The following TLL1 variants were observed in gnomAD, a reference collection of about 807,000 sequenced individuals.
TLL1 encodes tolloid-like protein 1.
A neutral mutation model predicts 128.2 loss-of-function variants in TLL1; 49 were observed. That is an observed-to-expected ratio of 0.38 (90% CI 0.30 to 0.48). The LOEUF is 0.48. Ranked by LOEUF, TLL1 falls within the 20% of genes least tolerant of loss-of-function variation. The pLI is 0.96. For missense variants in TLL1, 1,123 were observed against 1,242.0 expected, an observed-to-expected ratio of 0.90 and a Z score of 1.44; for synonymous variants, 454 against 418.8, an observed-to-expected ratio of 1.08 and a Z score of -1.03.
intron 1 of TLL1, among the ~76,000 whole-genome samples, chr4:165,976,828 T>G (rs936854405): frequency 2.0e-5 from 3 of 152,228 alleles, no homozygotes; most frequent in African/African-American, 7.2e-5. Context: ...ACCCATGGCC[T>G]CTGGGCTGTG....
intron 16 of TLL1, among the ~76,000 whole-genome samples, chr4:166,073,313 T>C (rs1183258121): frequency 1.3e-5 from 2 of 152,154 alleles, no homozygotes; most frequent in African/African-American, 2.4e-5. Flanking sequence ...GTAGAAGTCA[T>C]TTATAATTCA....
At chr4:165,926,847 A>G (rs904429117) in intron 1 of TLL1, among the ~76,000 whole-genome samples, 9 of 152,174 alleles carry the variant, frequency 5.9e-5, no homozygotes, top group Admixed American at 5.9e-4. Context: ...CAGTTCAACA[A>G]CGGTGGTTTT....
At chr4:166,064,501 A>G (rs1740483959) in intron 15 of TLL1, among the ~76,000 whole-genome samples, 1 of 152,110 alleles carries the variant, frequency 6.6e-6, no homozygotes, top group East Asian at 1.9e-4. Flanking sequence ...CTGTGTTAAC[A>G]TATTCTTGTG....
In TLL1 at chr4:166,091,428, A is replaced by C; in HGVS notation, c.2656+87A>C. The C allele has an allele frequency of 3.5e-6, 4 of 1,131,614 alleles. No individual in the cohort carries two copies. The South Asian group carries it at 5.5e-5, about 16-fold the overall frequency. 70.1% of individuals were successfully genotyped at this position (1,131,614 alleles called of 1,614,324 possible). The stretch of plus-strand genomic sequence containing the variant: ...ATTTGGTTCAATAATAGGATTGTAA[A>C]TAAATCTCCAAGCATAGCAGATAAA... On this transcript the variant is annotated intron_variant, in intron 19 of 20. Coordinates refer to ENST00000061240, the MANE Select transcript of TLL1 (RefSeq NM_012464.5).
At chr4:166,093,688 T>G (rs1030375895) in intron 19 of TLL1, among the ~76,000 whole-genome samples, 14 of 152,230 alleles carry the variant, frequency 9.2e-5, no homozygotes, top group East Asian at 7.8e-4. Flanking sequence ...CATCCCACGA[T>G]GCCATATTTC....
intron 6 of TLL1, among the ~76,000 whole-genome samples, chr4:166,004,632 A>C (rs1737326984): frequency 6.6e-6 from 1 of 152,130 alleles, no homozygotes; most frequent in African/African-American, 2.4e-5. Flanking sequence ...AGTAAAGCAG[A>C]AGTATTTCAG....
chr4:165,888,208 AT>A (rs1435904153), intron 1 of TLL1, among the ~76,000 whole-genome samples: 1 of 152,092 alleles, frequency 6.6e-6, no homozygotes, highest in East Asian at 1.9e-4. Flanking sequence ...TCTGTTCTTA[AT>A]TTTAAAGGGA....
At chr4:165,984,720 A>G (rs1736323796) in intron 1 of TLL1, among the ~76,000 whole-genome samples, 1 of 151,982 alleles carries the variant, frequency 6.6e-6, no homozygotes, top group South Asian at 2.1e-4. Flanking sequence ...TAGCTCAATC[A>G]TGTATTTCCT....
At chr4:165,931,564 A>C (rs1436383500) in intron 1 of TLL1, among the ~76,000 whole-genome samples, 1 of 151,722 alleles carries the variant, frequency 6.6e-6, no homozygotes, top group Non-Finnish European at 1.5e-5. Flanking sequence ...AAAAATACAA[A>C]AAAAATTAGC....
chr4:165,945,574 C>A (rs935954204), intron 1 of TLL1, among the ~76,000 whole-genome samples: 1 of 151,744 alleles, frequency 6.6e-6, no homozygotes, highest in Non-Finnish European at 1.5e-5. Context: ...TAAAGTTATT[C>A]TAAATAGGTG....
intron 5 of TLL1, among the ~76,000 whole-genome samples, chr4:165,998,754 A>G (rs948531391): frequency 2.0e-5 from 3 of 151,396 alleles, no homozygotes; most frequent in Admixed American, 2.0e-4. Flanking sequence ...CCGAGATTGC[A>G]CCACTGCACT....
Position 165,873,955 on chromosome 4 carries a change from G to T in TLL1, c.51G>T (p.Ser17=). 6 of 1,614,132 alleles carry T rather than the reference G, an allele frequency of 3.7e-6. No individual in the cohort carries two copies. Among genetic ancestry groups the T allele is most frequent in the Non-Finnish European group, 5.1e-6 (6 of 1,180,026 alleles). The part of the protein sequence containing the change: ...SPRMLVWLVA[S]GIVFYGELWV... Reference sequence around the variant, plus strand: ...GGATGCTCGTGTGGCTGGTGGCCTCGGGGATTGTTTTCTACGGGGAGCTAT... The same window carrying T: ...GGATGCTCGTGTGGCTGGTGGCCTCTGGGATTGTTTTCTACGGGGAGCTAT... Residue 17 remains serine (S), a synonymous_variant, in exon 1 of 21, where the codon TCG becomes TCT. Coordinates refer to ENST00000061240, the MANE Select transcript of TLL1 (RefSeq NM_012464.5).
chr4:166,056,926 T>C (rs1405243434), intron 13 of TLL1, among the ~76,000 whole-genome samples: 3 of 152,162 alleles, frequency 2.0e-5, no homozygotes, highest in African/African-American at 7.2e-5. Context: ...AAATGAATTG[T>C]TTCCATTTTA....
chr4:165,983,778 T>C (rs1042042800), intron 1 of TLL1, among the ~76,000 whole-genome samples: 2 of 151,824 alleles, frequency 1.3e-5, no homozygotes, highest in African/African-American at 4.8e-5. Context: ...ATCCAAAGTC[T>C]AGCTTTCTTA....
intron 16 of TLL1, among the ~76,000 whole-genome samples, chr4:166,070,916 T>C (rs1740785014): frequency 6.6e-6 from 1 of 152,006 alleles, no homozygotes; most frequent in Non-Finnish European, 1.5e-5. Context: ...CTTTCTTGTA[T>C]GATTTTGAAT....
intron 12 of TLL1, among the ~76,000 whole-genome samples, chr4:166,048,012 G>A (rs769825166): frequency 6.6e-6 from 1 of 151,894 alleles, no homozygotes; most frequent in Non-Finnish European, 1.5e-5. Flanking sequence ...CTAGGCAGGC[G>A]GATCACCTGA....
chr4:166,075,058 G>T lies in TLL1; in HGVS notation c.2314+55G>T. The T allele has an allele frequency of 1.9e-6, 3 of 1,602,786 alleles. No individual in the cohort carries two copies. In the South Asian group the frequency reaches 3.3e-5, roughly 18 times the overall value. The stretch of plus-strand genomic sequence containing the variant: ...ACATGTAGAATTTCATGTGGTTTGG[G>T]TAAAGCACTGCTTCCAAGTAGAGTT... On this transcript the variant is annotated intron_variant, in intron 17 of 20. Transcript: ENST00000061240.
intron 16 of TLL1, among the ~76,000 whole-genome samples, chr4:166,071,086 T>TG (rs1371071205): frequency 6.6e-6 from 1 of 151,978 alleles, no homozygotes; most frequent in Admixed American, 6.6e-5. Context: ...GCTGTGCATG[T>TG]GTCCATTTAT....
chr4:166,070,956 A>T (rs938553515), intron 16 of TLL1, among the ~76,000 whole-genome samples: 4 of 151,936 alleles, frequency 2.6e-5, no homozygotes, highest in Non-Finnish European at 4.4e-5. Flanking sequence ...CATTATTGAA[A>T]TTTAAATATT....
Sources: allele counts gnomAD v4.1 joint callset (sites outside exome capture counted in the v4.1 genomes callset), GRCh38; gene constraint gnomAD v4.1.1; transcripts MANE v1.5; gene names NCBI Gene and HGNC (gene_info 2026-07-23, HGNC 2026-07-21).